The following NANOG variants were observed in gnomAD, a reference collection of about 807,000 sequenced individuals.
NANOG encodes the protein homeobox protein NANOG.
In NANOG, 2 loss-of-function variants were observed where a neutral mutation model predicts 17.7. The ratio of observed to expected loss-of-function variants is 0.11; its 90% CI spans 0.05 to 0.36. NANOG has a LOEUF of 0.36. Ranked by LOEUF, NANOG falls within the 10% of genes least tolerant of loss-of-function variation. The probability of loss-of-function intolerance (pLI) is 1.00; values close to 1 mark genes in which losing one functional copy is unlikely to be tolerated. For missense variants in NANOG, 174 were observed against 362.1 expected (o/e 0.48, Z 4.22); for synonymous variants, 81 against 124.7 (o/e 0.65, Z 2.33).
Position 7,789,627 on chromosome 12 carries a change from C to G in NANOG, c.13C>G (p.Pro5Ala). ...CCTCTATACTAACATGAGTGTGGAT[C>G]CAGCTTGTCCCCAAAGCTTGCCTTG... MSVDPACPQSLPCFE... is the reference protein window; with the variant it reads MSVDAACPQSLPCFE... The change falls in exon 1 of 4, where the codon CCA becomes GCA. Residue 5 changes from proline to alanine, a missense_variant. Transcript: ENST00000229307. 1 of 1,613,846 alleles carries G rather than the reference C, an allele frequency of 6.2e-7. No homozygotes were observed. Among genetic ancestry groups the G allele is most frequent in the Non-Finnish European group, 8.5e-7 (1 of 1,180,034 alleles).
intron 1 of NANOG, among the ~76,000 whole-genome samples, chr12:7,790,917 A>T (rs1862831720): frequency 6.6e-6 from 1 of 151,952 alleles, no homozygotes; most frequent in Admixed American, 6.6e-5. Context: ...TAATTAAAAA[A>T]TTATTTTTGT....
rs201963033 is a variant in NANOG at position 7,796,288 on chromosome 12, A to AAAATAAAT, written c.*1204_*1211dup. ...CGACAAGAGCAAAACTCCCATCTCA[A>AAAATAAAT]AAATAAATAAATAAATAAGTAAATA... On this transcript the variant is annotated 3_prime_UTR_variant, in exon 4 of 4. Coordinates refer to ENST00000229307, the MANE Select transcript of NANOG (RefSeq NM_024865.4). 1 of 152,072 alleles carries AAAATAAAT rather than the reference A, an allele frequency of 6.6e-6. No individual in the cohort carries two copies. Among genetic ancestry groups the AAAATAAAT allele is most frequent in the East Asian group, 1.9e-4 (1 of 5,194 alleles). 9.4% of individuals were successfully genotyped at this position (152,072 alleles called of 1,614,324 possible).
chr12:7,797,366 T>TC lies in NANOG; in HGVS notation c.*2271_*2272insC. 6.6e-6 allele frequency: 1 copy of TC among 150,386 alleles called. No homozygotes were observed. The highest frequency in any genetic ancestry group is 2.0e-4 in the East Asian group (1 of 5,106). 9.3% of individuals were successfully genotyped at this position (150,386 alleles called of 1,614,324 possible). A position where few individuals can be genotyped will look rare whatever the true frequency, so the allele number is the denominator to read the frequency against. On this transcript the variant is annotated 3_prime_UTR_variant, in exon 4 of 4. Transcript: ENST00000229307. The stretch of plus-strand genomic sequence containing the variant: ...CCACCGTGTCTGGGCAATTTTTTTT[T>TC]TTTTTTTTGAGATGGAACTTCACTT...
At chr12:7,791,301 G>A (rs1862837503) in intron 1 of NANOG, among the ~76,000 whole-genome samples, 2 of 151,872 alleles carry the variant, frequency 1.3e-5, no homozygotes, top group Admixed American at 1.3e-4. Flanking sequence ...AGTAGAGAAG[G>A]GGTTTCGGTG....
Position 7,794,487 on chromosome 12 carries a change from A to G in NANOG, c.445A>G (p.Lys149Glu). The G allele has an allele frequency of 6.2e-7, 1 of 1,613,386 alleles. No homozygotes were observed. Among genetic ancestry groups the G allele is most frequent in the Admixed American group, 1.7e-5 (1 of 59,886 alleles). ...GACCTGGTTCCAGAACCAGAGAATG[A>G]AATCTAAGAGGTGGCAGAAAAACAA... The part of the protein sequence containing the change: ...VKTWFQNQRM[K>E]SKRWQKNNWP... The change falls in exon 3 of 4, where the codon AAA becomes GAA. Residue 149 changes from lysine (K) to glutamate (E), a missense_variant. Lys to Glu is a moderately conservative substitution (Grantham distance 56). Transcript: ENST00000229307.
chr12:7,791,963 C>T (rs998841810), intron 1 of NANOG, among the ~76,000 whole-genome samples: 28 of 152,176 alleles, frequency 1.8e-4, no homozygotes, highest in African/African-American at 3.1e-4. Context: ...GTGGCACTCT[C>T]GGCTTACTGC....
rs1210490466 is a variant in NANOG at position 7,794,491 on chromosome 12, C to CT, written c.450dup (p.Lys151Ter). 6.2e-7 allele frequency: 1 copy of CT among 1,613,288 alleles called. No homozygotes were observed. Among genetic ancestry groups the CT allele is most frequent in the Non-Finnish European group, 8.5e-7 (1 of 1,179,700 alleles). ...TGGTTCCAGAACCAGAGAATGAAAT[C>CT]TAAGAGGTGGCAGAAAAACAACTGG... On this transcript the variant is annotated frameshift_variant, in exon 3 of 4. Coordinates refer to ENST00000229307, the MANE Select transcript of NANOG (RefSeq NM_024865.4). LOFTEE classifies it high-confidence loss of function.
Position 7,798,897 on chromosome 12 carries a change from A to AAGGGGG in NANOG, c.*3805_*3810dup, listed in dbSNP as rs2120587737. The AAGGGGG allele has an allele frequency of 6.8e-6, 1 of 147,674 alleles. No homozygotes were observed. The highest frequency in any genetic ancestry group is 2.0e-4 in the East Asian group (1 of 5,080). The allele number at this position is 147,674 out of a possible 1,614,324, so 9.1% of individuals were successfully genotyped here. A position where few individuals can be genotyped will look rare whatever the true frequency, so the allele number is the denominator to read the frequency against. On this transcript the variant is annotated 3_prime_UTR_variant, in exon 4 of 4. Coordinates refer to ENST00000229307, the MANE Select transcript of NANOG (RefSeq NM_024865.4). ...CTGGGGCCCCCATGGGCTTTGACTC[A>AAGGGGG]AGGGGGAGATGAAGGGAATTTGTTA...
rs138749719 is a variant in NANOG at position 7,792,624 on chromosome 12, A to G, written c.152-326A>G. 5.0e-3 allele frequency among the ~76,000 whole-genome samples: 766 copies of G among 152,184 alleles called. 5 individuals carry two copies. Among genetic ancestry groups the G allele is most frequent in the African/African-American group, 0.017 (710 of 41,526 alleles). On this transcript the variant is annotated intron_variant, in intron 1 of 3. Coordinates refer to ENST00000229307, the MANE Select transcript of NANOG (RefSeq NM_024865.4). ...GGTTGCAGTGAGCCGAGATTGCACC[A>G]TCGCACTTCAGCCTGGGCAACAAGA...
intron 1 of NANOG, among the ~76,000 whole-genome samples, chr12:7,792,644 A>G (rs1019640117): frequency 2.6e-5 from 4 of 152,100 alleles, no homozygotes; most frequent in African/African-American, 7.2e-5. Context: ...AGCCTGGGCA[A>G]CAAGAGTGAA....
At chr12:7,793,618 C>T (rs763765998) in intron 2 of NANOG, among the ~76,000 whole-genome samples, 1 of 152,198 alleles carries the variant, frequency 6.6e-6, no homozygotes, top group African/African-American at 2.4e-5. Context: ...TGTGTGCATT[C>T]AATAAGGCCA....
In NANOG at chr12:7,796,834, G is replaced by A. The variant is rs1312255118; in HGVS notation, c.*1739G>A. ...GGCTGGAGTGTAGTGGAGCGATCTC[G>A]GCTCACCGCAACCTCCGCCTCCCGA... is the stretch of plus-strand genomic sequence containing the variant. On this transcript the variant is annotated 3_prime_UTR_variant, in exon 4 of 4. Transcript: ENST00000229307. 2 of 151,030 alleles carry A rather than the reference G, an allele frequency of 1.3e-5. No homozygotes were observed. Among genetic ancestry groups the A allele is most frequent in the African/African-American group, 2.4e-5 (1 of 41,062 alleles). 9.4% of individuals were successfully genotyped at this position (151,030 alleles called of 1,614,324 possible).
chr12:7,792,044 G>A lies in NANOG; in HGVS notation c.152-906G>A, dbSNP rs186965017. On this transcript the variant is annotated intron_variant, in intron 1 of 3. Coordinates refer to ENST00000229307, the MANE Select transcript of NANOG (RefSeq NM_024865.4). ...CCAGTAGCTGGGATTACAGGCATGC[G>A]CCACCACTCCTGGCTAATTTTTGTA... Among the ~76,000 whole-genome samples the A allele has an allele frequency of 3.5e-4, 53 of 152,266 alleles. 1 individual carries two copies. The East Asian group carries it at 9.5e-3, about 27-fold the overall frequency.
intron 1 of NANOG, 101 bp downstream of exon 1, chr12:7,789,866 A>T: frequency 2.4e-6 from 3 of 1,246,698 alleles, no homozygotes. Flanking sequence ...ATGATGGACC[A>T]TTACTATAAA....
intron 1 of NANOG, among the ~76,000 whole-genome samples, chr12:7,791,597 C>T (rs1008752374): frequency 5.3e-5 from 8 of 152,102 alleles, no homozygotes; most frequent in African/African-American, 1.4e-4. Flanking sequence ...GTTTTAGAGC[C>T]TGTCCCTTTG....
At position 7,789,456 on chromosome 12, in the gene NANOG, C is replaced by G. The variant is rs137856893; in HGVS notation, c.-159C>G. 7.8e-5 allele frequency: 49 copies of G among 629,972 alleles called. No individual in the cohort carries two copies. The highest frequency in any genetic ancestry group is 2.6e-4 in the Admixed American group (9 of 34,618). The allele number at this position is 629,972 out of a possible 1,614,324, so 39.0% of individuals were successfully genotyped here. The stretch of plus-strand genomic sequence containing the variant: ...TTCTGCTGGACTGAGCTGGTTGCCT[C>G]ATGTTATTATGCAGGCAACTCACTT... On this transcript the variant is annotated 5_prime_UTR_variant, in exon 1 of 4. Coordinates refer to ENST00000229307, the MANE Select transcript of NANOG (RefSeq NM_024865.4).
chr12:7,793,723 A>G (rs1382521570), intron 2 of NANOG, among the ~76,000 whole-genome samples: 1 of 151,930 alleles, frequency 6.6e-6, no homozygotes, highest in Non-Finnish European at 1.5e-5. Flanking sequence ...TATTTTTGAG[A>G]CGGAGTCTCA....
chr12:7,789,782 T>A lies in NANOG; in HGVS notation c.151+17T>A, dbSNP rs755595170. On this transcript the variant is annotated intron_variant, in intron 1 of 3. Transcript: ENST00000229307. ...CGGAGACTGGTAAGAAAGAAATTTATCCTTGAAAGGCCAAGTTCCTTAAGG... is the reference window on the plus strand; with the variant it reads ...CGGAGACTGGTAAGAAAGAAATTTAACCTTGAAAGGCCAAGTTCCTTAAGG... 1 of 1,610,762 alleles carries A rather than the reference T, an allele frequency of 6.2e-7. No individual in the cohort carries two copies. The highest frequency in any genetic ancestry group is 2.2e-5 in the East Asian group (1 of 44,882).
chr12:7,790,188 A>ATGT (rs71038754), intron 1 of NANOG, among the ~76,000 whole-genome samples: 80,151 of 151,862 alleles, frequency 0.53, 22,071 homozygotes, highest in Non-Finnish European at 0.59. Context: ...GATGAGCATG[A>ATGT]TTTTGTTTTG....
Sources: gnomAD v4.1 joint callset for allele counts (sites outside exome capture counted in the v4.1 genomes callset) on GRCh38, gnomAD v4.1.1 for gene constraint, MANE v1.5 for transcripts, NCBI Gene and HGNC (gene_info 2026-07-23, HGNC 2026-07-21) for gene names.